The following C12orf54 variants were observed in gnomAD, a reference collection of about 807,000 sequenced individuals.
The protein encoded by C12orf54 is uncharacterized protein C12orf54.
C12orf54 carries 24 observed loss-of-function variants against 26.4 expected under a neutral mutation model. The observed-to-expected ratio is 0.91, with a 90% CI of 0.66 to 1.28. C12orf54 has a LOEUF of 1.28. Among genes scored for constraint, C12orf54 ranks in the 50% most tolerant of loss-of-function variants. The probability of loss-of-function intolerance (pLI) is 0.00; values close to 1 mark genes in which losing one functional copy is unlikely to be tolerated. For synonymous variants in C12orf54, 54 were observed against 47.0 expected, an observed-to-expected ratio of 1.15 and a Z score of -0.61; for missense variants, 154 against 150.9, an observed-to-expected ratio of 1.02 and a Z score of -0.11.
Position 48,494,086 on chromosome 12 carries a change from GCA to G in C12orf54, c.243-711_243-710del, listed in dbSNP as rs1937857156. 6.2e-5 allele frequency among the ~76,000 whole-genome samples: 7 copies of G among 113,314 alleles called. 2 individuals carry two copies. Among genetic ancestry groups the G allele is most frequent in the Admixed American group, 2.0e-4 (2 of 9,930 alleles). The allele number at this position is 113,314 out of a possible 152,430, so 74.3% of individuals were successfully genotyped here. On this transcript the variant is annotated intron_variant, in intron 7 of 8. Transcript: ENST00000548364. ...ATACAAAAATTAGCTGGGCGTGGTG[GCA>G]GGTGCCTGTAACCCCAGCTACTCGG... is the stretch of plus-strand genomic sequence containing the variant.
chr12:48,424,033 A>C, the C12orf54 span, among the ~76,000 whole-genome samples: 1 of 152,048 alleles, frequency 6.6e-6, no homozygotes, highest in African/African-American at 2.4e-5. Flanking sequence ...TAGTTTGATG[A>C]GTTCTTTTCT....
chr12:48,431,850 G>A, the C12orf54 span, among the ~76,000 whole-genome samples: 1 of 152,188 alleles, frequency 6.6e-6, no homozygotes, highest in Non-Finnish European at 1.5e-5. Context: ...ATAGGTGTGA[G>A]ATTTCTTTGG....
At chr12:48,414,193 C>T in the C12orf54 span, among the ~76,000 whole-genome samples, 1 of 152,226 alleles carries the variant, frequency 6.6e-6, no homozygotes, top group South Asian at 2.1e-4. Flanking sequence ...GTTCTCTGTG[C>T]TGTGCAATGA....
At chr12:48,419,026 T>A in the C12orf54 span, among the ~76,000 whole-genome samples, 1 of 152,186 alleles carries the variant, frequency 6.6e-6, no homozygotes, top group Admixed American at 6.5e-5. Context: ...AGCAGAAATA[T>A]CAATGTTCTG....
upstream of C12orf54, among the ~76,000 whole-genome samples, chr12:48,482,297 G>C (rs4500527): frequency 0.15 from 22,245 of 152,068 alleles, 2,849 homozygotes; most frequent in East Asian, 0.66. Context: ...AATGCAATGG[G>C]TAGAAGGCAA....
At chr12:48,426,555 T>G in the C12orf54 span, among the ~76,000 whole-genome samples, 13 of 152,194 alleles carry the variant, frequency 8.5e-5, no homozygotes, top group African/African-American at 2.9e-4. Flanking sequence ...TAGGATTGCC[T>G]TGGCTGTTTG....
chr12:48,443,104 T>G, the C12orf54 span, among the ~76,000 whole-genome samples: 1 of 152,226 alleles, frequency 6.6e-6, no homozygotes, highest in Non-Finnish European at 1.5e-5. Flanking sequence ...ACTCTGTCCC[T>G]ATATTTCCTA....
chr12:48,420,240 A>T, the C12orf54 span, among the ~76,000 whole-genome samples: 1 of 152,212 alleles, frequency 6.6e-6, no homozygotes, highest in African/African-American at 2.4e-5. Context: ...AGCTGAGTTG[A>T]TGCCTTGCAT....
the C12orf54 span, among the ~76,000 whole-genome samples, chr12:48,416,313 G>A: frequency 1.1e-4 from 17 of 152,310 alleles, no homozygotes; most frequent in African/African-American, 4.1e-4. Flanking sequence ...ACTGCGGACA[G>A]CCTTTTTTAC....
At chr12:48,436,828 A>G in the C12orf54 span, among the ~76,000 whole-genome samples, 4 of 152,346 alleles carry the variant, frequency 2.6e-5, no homozygotes, top group South Asian at 8.3e-4. Context: ...TGACATGCTA[A>G]TATCACAATT....
chr12:48,429,316 A>C, the C12orf54 span, among the ~76,000 whole-genome samples: 3 of 152,256 alleles, frequency 2.0e-5, no homozygotes, highest in South Asian at 4.2e-4. Context: ...AGTCCTAGTC[A>C]TAGCAATCAG....
intron 8 of C12orf54, among the ~76,000 whole-genome samples, 171 bp from the exon 9 acceptor site, chr12:48,496,010 T>C (rs557994899): frequency 2.4e-4 from 36 of 152,292 alleles, no homozygotes; most frequent in Non-Finnish European, 4.0e-4. Flanking sequence ...TGTCTACAAC[T>C]AATGGATCTC....
chr12:48,432,593 G>A, the C12orf54 span, among the ~76,000 whole-genome samples: 3 of 152,216 alleles, frequency 2.0e-5, no homozygotes, highest in Admixed American at 6.5e-5. Flanking sequence ...CATACAGCCA[G>A]GCACACTGGC....
rs373446482 is a variant in C12orf54, at chr12:48,486,154, G to A, written c.66-24G>A. 46 of 1,601,136 alleles carry A rather than the reference G, an allele frequency of 2.9e-5. No homozygotes were observed. In the East Asian group the frequency reaches 9.8e-4, roughly 34 times the overall value. ...GCCCACATTCTGTGCTCCTCATCAG[G>A]TTTATATCATTCTTTCTTTGCAGCA... On this transcript the variant is annotated intron_variant, in intron 2 of 8. Coordinates refer to ENST00000548364, the MANE Select transcript of C12orf54 (RefSeq NM_152319.4).
chr12:48,475,938 T>G, the C12orf54 span, among the ~76,000 whole-genome samples: 2 of 151,068 alleles, frequency 1.3e-5, no homozygotes, highest in South Asian at 4.2e-4. Flanking sequence ...CCAAGACACA[T>G]AATTGTCAGA....
chr12:48,430,350 G>T, the C12orf54 span, among the ~76,000 whole-genome samples: 1 of 152,050 alleles, frequency 6.6e-6, no homozygotes, highest in African/African-American at 2.4e-5. Context: ...AAGGAACAGT[G>T]AGCAGAGTAA....
At chr12:48,435,178 G>T in the C12orf54 span, among the ~76,000 whole-genome samples, 1 of 152,120 alleles carries the variant, frequency 6.6e-6, no homozygotes, top group Admixed American at 6.6e-5. Flanking sequence ...AAGATGAAAT[G>T]AATGAAATGA....
the C12orf54 span, among the ~76,000 whole-genome samples, chr12:48,463,190 A>G: frequency 5.9e-5 from 9 of 152,062 alleles, no homozygotes; most frequent in East Asian, 1.7e-3. Context: ...AAAGATGTGC[A>G]AGATTGTACA....
chr12:48,457,274 G>T, the C12orf54 span, among the ~76,000 whole-genome samples: 2 of 69,420 alleles, frequency 2.9e-5, no homozygotes, highest in Admixed American at 2.0e-4. Context: ...GCAGTTTTTT[G>T]TTGTTGTTGT....
Sources: gnomAD v4.1 joint callset for allele counts (sites outside exome capture counted in the v4.1 genomes callset) on GRCh38, gnomAD v4.1.1 for gene constraint, MANE v1.5 for transcripts, NCBI Gene and HGNC (gene_info 2026-07-23, HGNC 2026-07-21) for gene names.